The following CDH2 variants were observed in gnomAD, a reference collection of about 807,000 sequenced individuals.
The protein encoded by CDH2 is cadherin-2.
Under a neutral mutation model 92.0 loss-of-function variants are expected in CDH2, and 17 were observed. The ratio of observed to expected loss-of-function variants is 0.18; its 90% CI spans 0.13 to 0.28. The LOEUF (loss-of-function observed/expected upper bound fraction) is 0.28. Among genes scored for constraint, CDH2 ranks in the 10% least tolerant of loss-of-function variants. CDH2 has a pLI of 1.00. For missense variants in CDH2, 862 were observed against 1,133.1 expected (o/e 0.76, Z 3.44); for synonymous variants, 419 against 415.9 (o/e 1.01, Z -0.09).
At position 28,013,539 on chromosome 18, in the gene CDH2, C is replaced by T. The variant is rs2013155431; in HGVS notation, c.399+144G>A. On this transcript the variant is annotated intron_variant, in intron 3 of 15. Transcript: ENST00000269141. The stretch of plus-strand genomic sequence containing the variant: ...GTATCTTAAGAGATTACAAACACAA[C>T]AAAATATTATTAAAATGACCAAAGT... 16 of 660,976 alleles carry T rather than the reference C, an allele frequency of 2.4e-5. No homozygotes were observed. In the South Asian group the frequency reaches 3.0e-4, roughly 12 times the overall value. 40.9% of individuals were successfully genotyped at this position (660,976 alleles called of 1,614,324 possible). A position where few individuals can be genotyped will look rare whatever the true frequency, so the allele number is the denominator to read the frequency against.
chr18:28,053,644 A>G (rs1322121144), intron 2 of CDH2, among the ~76,000 whole-genome samples: 4 of 152,182 alleles, frequency 2.6e-5, no homozygotes, highest in Non-Finnish European at 5.9e-5. Flanking sequence ...TTCTGTAAAT[A>G]CTGTCTGAAC....
chr18:28,107,545 G>T (rs967005215), intron 2 of CDH2, among the ~76,000 whole-genome samples: 2 of 152,112 alleles, frequency 1.3e-5, no homozygotes, highest in Admixed American at 1.3e-4. Context: ...TAATATGTAT[G>T]CCATAACACT....
At chr18:27,993,757 C>T (rs1191871694) in intron 7 of CDH2, 120 bp from the exon 8 acceptor site, 7 of 772,084 alleles carry the variant, frequency 9.1e-6, no homozygotes, top group Non-Finnish European at 1.5e-5. Context: ...TTCTGATTAA[C>T]ATGACTTGAA....
At chr18:28,010,669 T>G (rs1287289767) in intron 4 of CDH2, among the ~76,000 whole-genome samples, 2 of 131,542 alleles carry the variant, frequency 1.5e-5, no homozygotes, top group Non-Finnish European at 3.2e-5. Context: ...AAAATCTAGG[T>G]TTTTTTTTTT....
intron 2 of CDH2, among the ~76,000 whole-genome samples, chr18:28,108,423 C>T (rs924916532): frequency 2.0e-5 from 3 of 152,098 alleles, no homozygotes; most frequent in Non-Finnish European, 4.4e-5. Flanking sequence ...AGGAAAAGAT[C>T]CATTTGTTGA....
chr18:28,088,311 T>G (rs2014973429), intron 2 of CDH2, among the ~76,000 whole-genome samples: 1 of 152,192 alleles, frequency 6.6e-6, no homozygotes, highest in African/African-American at 2.4e-5. Context: ...GTAGACATAG[T>G]CTTTGCCCCT....
At chr18:28,076,225 CTATTT>C (rs1161299243) in intron 2 of CDH2, among the ~76,000 whole-genome samples, 2 of 152,162 alleles carry the variant, frequency 1.3e-5, no homozygotes, top group East Asian at 1.9e-4. Flanking sequence ...AGACCAATTA[CTATTT>C]TATTTTATTT....
At chr18:28,093,588 A>G (rs2015074711) in intron 2 of CDH2, among the ~76,000 whole-genome samples, 1 of 152,170 alleles carries the variant, frequency 6.6e-6, no homozygotes, top group Non-Finnish European at 1.5e-5. Flanking sequence ...AAAGAAAACA[A>G]AACAAAACAC....
chr18:28,077,273 TC>T (rs1290193774), intron 2 of CDH2, among the ~76,000 whole-genome samples: 2 of 152,156 alleles, frequency 1.3e-5, no homozygotes, highest in Non-Finnish European at 2.9e-5. Context: ...TAAGCAGAAA[TC>T]ATAATCTTTG....
Position 27,985,654 on chromosome 18 carries a change from C to T in CDH2, c.1849G>A (p.Asp617Asn). The T allele has an allele frequency of 1.9e-6, 3 of 1,613,808 alleles. No individual in the cohort carries two copies. Among genetic ancestry groups the T allele is most frequent in the Non-Finnish European group, 2.5e-6 (3 of 1,179,732 alleles). ...PQEAETCETP[D>N]PNSINITALD... ...GCTGTAATATTAATTGAATTGGGGTCTGGAGTTTCGCAAGTCTCTGCCTCT... is the reference window on the plus strand; with the variant it reads ...GCTGTAATATTAATTGAATTGGGGTTTGGAGTTTCGCAAGTCTCTGCCTCT... The change falls in exon 12 of 16, where the codon GAC (aspartate) becomes AAC (asparagine). Residue 617 changes from aspartate (D) to asparagine (N), a missense_variant. Around this residue, in one of 5 missense-constraint regions of CDH2, gnomAD observed 564 missense variants for 722.2 expected, o/e 0.78. Transcript: ENST00000269141.
intron 2 of CDH2, among the ~76,000 whole-genome samples, chr18:28,144,178 AG>A (rs2015999278): frequency 6.6e-6 from 1 of 151,794 alleles, no homozygotes; most frequent in African/African-American, 2.4e-5. Flanking sequence ...AAAAAAAAAG[AG>A]CTATATAATC....
intron 2 of CDH2, among the ~76,000 whole-genome samples, chr18:28,138,327 T>G (rs1332550025): frequency 6.6e-6 from 1 of 151,970 alleles, no homozygotes; most frequent in Non-Finnish European, 1.5e-5. Context: ...ACCCAGGAGT[T>G]TTAGTTAACC....
intron 14 of CDH2, among the ~76,000 whole-genome samples, chr18:27,978,540 C>A (rs2011927798): frequency 6.7e-6 from 1 of 150,318 alleles, no homozygotes; most frequent in African/African-American, 2.5e-5. Context: ...ATGAAAAATC[C>A]ATTACAGATA....
intron 1 of CDH2, among the ~76,000 whole-genome samples, chr18:28,162,989 C>G (rs2016328622): frequency 6.6e-6 from 1 of 152,130 alleles, no homozygotes; most frequent in Non-Finnish European, 1.5e-5. Context: ...CAAAACACAC[C>G]TACACAAGCC....
At chr18:27,971,190 C>T (rs926659745) in intron 14 of CDH2, among the ~76,000 whole-genome samples, 4 of 151,596 alleles carry the variant, frequency 2.6e-5, no homozygotes, top group African/African-American at 4.8e-5. Context: ...AAGCCAAGAT[C>T]ACACCACTGC....
At chr18:27,962,051 A>T (rs1362505452) in intron 15 of CDH2, among the ~76,000 whole-genome samples, 1 of 152,250 alleles carries the variant, frequency 6.6e-6, no homozygotes, top group Non-Finnish European at 1.5e-5. Context: ...ACAATTTCTT[A>T]TGATGACAAA....
At chr18:28,165,816 G>C (rs2016369857) in intron 1 of CDH2, among the ~76,000 whole-genome samples, 1 of 150,606 alleles carries the variant, frequency 6.6e-6, no homozygotes. Flanking sequence ...AGAAAAGAAA[G>C]AAAAAGATTT....
intron 2 of CDH2, among the ~76,000 whole-genome samples, chr18:28,132,528 C>A (rs1037669802): frequency 6.6e-6 from 1 of 151,972 alleles, no homozygotes; most frequent in African/African-American, 2.4e-5. Context: ...ACAGAGGCAA[C>A]GGGTGGGAGG....
chr18:28,175,276 T>C (rs773853325), intron 1 of CDH2, among the ~76,000 whole-genome samples: 6 of 152,138 alleles, frequency 3.9e-5, no homozygotes, highest in Non-Finnish European at 5.9e-5. Flanking sequence ...ATGTCTAGTC[T>C]AATAGTTCTG....
Sources: gnomAD v4.1 joint callset for allele counts (sites outside exome capture counted in the v4.1 genomes callset) on GRCh38, gnomAD v4.1.1 for gene constraint, gnomAD v4.1.1 regional missense constraint, MANE v1.5 for transcripts, NCBI Gene and HGNC (gene_info 2026-07-23, HGNC 2026-07-21) for gene names.